PPP3R1: variants seen among roughly 807,000 people sequenced by gnomAD.
PPP3R1 encodes calcineurin subunit B type 1.
PPP3R1 carries 5 observed loss-of-function variants against 22.6 expected under a neutral mutation model. The ratio of observed to expected loss-of-function variants is 0.22; its 90% CI spans 0.12 to 0.46. The LOEUF (loss-of-function observed/expected upper bound fraction) is 0.46, where lower values mean the gene tolerates loss of function less well. Ranked by LOEUF, PPP3R1 falls within the 20% of genes least tolerant of loss-of-function variation. The pLI, the probability that PPP3R1 is intolerant of heterozygous loss-of-function variation, is 0.99. For synonymous variants in PPP3R1, 56 were observed against 65.2 expected (o/e 0.86, Z 0.68); for missense variants, 61 against 203.2 (o/e 0.30, Z 4.25).
At chr2:68,232,139 A>ACACAC (rs1669920287) in intron 1 of PPP3R1, among the ~76,000 whole-genome samples, 1 of 110,862 alleles carries the variant, frequency 9.0e-6, no homozygotes, top group Non-Finnish European at 1.9e-5. Flanking sequence ...ACACACACAC[A>ACACAC]TATATATGTA....
chr2:68,222,279 G>A (rs1669699344), intron 1 of PPP3R1, among the ~76,000 whole-genome samples: 1 of 152,290 alleles, frequency 6.6e-6, no homozygotes, highest in South Asian at 2.1e-4. Context: ...TATTAAAGAT[G>A]TATATTGTAA....
intron 2 of PPP3R1, among the ~76,000 whole-genome samples, chr2:68,189,323 C>G (rs560243024): frequency 6.6e-6 from 1 of 151,874 alleles, no homozygotes; most frequent in South Asian, 2.1e-4. Context: ...ACTTAACAAC[C>G]AAATAGCTAA....
chr2:68,212,514 C>G (rs186749684), intron 2 of PPP3R1, among the ~76,000 whole-genome samples: 3 of 152,350 alleles, frequency 2.0e-5, no homozygotes, highest in African/African-American at 7.2e-5. Context: ...ACTCCATGGG[C>G]TACAGAATGG....
intron 1 of PPP3R1, among the ~76,000 whole-genome samples, chr2:68,250,113 T>C (rs1015129936): frequency 1.3e-5 from 2 of 151,592 alleles, no homozygotes; most frequent in African/African-American, 4.9e-5. Context: ...ACTGCCAACA[T>C]TATGTAGGTC....
intron 2 of PPP3R1, among the ~76,000 whole-genome samples, chr2:68,201,108 T>C (rs1351408928): frequency 6.6e-6 from 1 of 152,200 alleles, no homozygotes; most frequent in Admixed American, 6.5e-5. Flanking sequence ...TTCTTTTTTC[T>C]ATATATTAAG....
chr2:68,203,047 A>C (rs1280104388), intron 2 of PPP3R1, among the ~76,000 whole-genome samples: 1 of 152,126 alleles, frequency 6.6e-6, no homozygotes, highest in South Asian at 2.1e-4. Flanking sequence ...CATGTACTAT[A>C]CTTAAGAAAA....
At chr2:68,204,075 C>T (rs747646624) in intron 2 of PPP3R1, among the ~76,000 whole-genome samples, 5 of 152,168 alleles carry the variant, frequency 3.3e-5, no homozygotes, top group Non-Finnish European at 5.9e-5. Context: ...ATTTTCCACT[C>T]TTACTTTCAA....
At chr2:68,233,687 G>A (rs1669963074) in intron 1 of PPP3R1, among the ~76,000 whole-genome samples, 1 of 150,868 alleles carries the variant, frequency 6.6e-6, no homozygotes, top group Admixed American at 6.6e-5. Context: ...TTTTTCTTCT[G>A]GTTTTCTTCT....
intron 1 of PPP3R1, among the ~76,000 whole-genome samples, chr2:68,248,370 C>G (rs573194981): frequency 1.3e-4 from 20 of 152,300 alleles, no homozygotes; most frequent in African/African-American, 4.8e-4. Flanking sequence ...TAATCACTGT[C>G]TTATTTACCC....
At chr2:68,234,664 G>T (rs1170766083) in intron 1 of PPP3R1, among the ~76,000 whole-genome samples, 2 of 152,096 alleles carry the variant, frequency 1.3e-5, no homozygotes, top group Admixed American at 1.3e-4. Flanking sequence ...AGACAGCTGA[G>T]GAGTAAAATG....
chr2:68,194,722 G>A (rs939083874), intron 2 of PPP3R1, among the ~76,000 whole-genome samples: 1 of 152,072 alleles, frequency 6.6e-6, no homozygotes, highest in Non-Finnish European at 1.5e-5. Flanking sequence ...ACTGTTTTAG[G>A]TGATGCTAAA....
chr2:68,184,921 T>C (rs1674502791), intron 5 of PPP3R1, among the ~76,000 whole-genome samples: 1 of 152,072 alleles, frequency 6.6e-6, no homozygotes, highest in Non-Finnish European at 1.5e-5. Context: ...GACCCCTGTC[T>C]ACAAAAACTT....
Position 68,179,401 on chromosome 2 carries a change from G to A in PPP3R1, c.*1562C>T, listed in dbSNP as rs1674356440. Reference sequence around the variant, plus strand: ...ATCTACATGCAAAACTCCATGTCATGCAAGGACACCAAGCACCGGGATTTT... The same window carrying A: ...ATCTACATGCAAAACTCCATGTCATACAAGGACACCAAGCACCGGGATTTT... On this transcript the variant is annotated 3_prime_UTR_variant, in exon 6 of 6. Transcript: ENST00000234310. 6.6e-6 allele frequency: 1 copy of A among 152,618 alleles called. No homozygotes were observed. 9.5% of individuals were successfully genotyped at this position (152,618 alleles called of 1,614,324 possible). A position where few individuals can be genotyped will look rare whatever the true frequency, so the allele number is the denominator to read the frequency against.
chr2:68,187,489 G>GT (rs1424812280), intron 3 of PPP3R1, among the ~76,000 whole-genome samples, 175 bp from the exon 4 acceptor site: 1 of 152,086 alleles, frequency 6.6e-6, no homozygotes, highest in African/African-American at 2.4e-5. Context: ...AGGTCTCTCT[G>GT]TATTTTTTTT....
At chr2:68,242,051 A>C (rs1483753391) in intron 1 of PPP3R1, among the ~76,000 whole-genome samples, 2 of 152,196 alleles carry the variant, frequency 1.3e-5, no homozygotes, top group Non-Finnish European at 2.9e-5. Flanking sequence ...ACTTTTACTT[A>C]ACTTTAATTA....
At chr2:68,221,685 A>G (rs553768382) in intron 1 of PPP3R1, among the ~76,000 whole-genome samples, 35 of 151,450 alleles carry the variant, frequency 2.3e-4, no homozygotes, top group Middle Eastern at 3.4e-3. Flanking sequence ...GAAACATGGA[A>G]AAAAAAAAGC....
intron 1 of PPP3R1, among the ~76,000 whole-genome samples, chr2:68,232,536 C>T (rs945125931): frequency 1.3e-5 from 2 of 151,878 alleles, no homozygotes; most frequent in African/African-American, 4.8e-5. Context: ...AAAACTCATA[C>T]AGCAACAGAA....
At chr2:68,248,572 G>A (rs1322726301) in intron 1 of PPP3R1, among the ~76,000 whole-genome samples, 2 of 152,174 alleles carry the variant, frequency 1.3e-5, no homozygotes, top group African/African-American at 2.4e-5. Context: ...CTCATCTCCA[G>A]AATTTTGGAT....
intron 1 of PPP3R1, among the ~76,000 whole-genome samples, chr2:68,230,433 C>G (rs948978954): frequency 1.4e-5 from 2 of 137,938 alleles, no homozygotes; most frequent in African/African-American, 5.4e-5. Flanking sequence ...GATAACTTTT[C>G]ACAATCTCAT....
Sources: allele counts gnomAD v4.1 joint callset (sites outside exome capture counted in the v4.1 genomes callset), GRCh38; gene constraint gnomAD v4.1.1; transcripts MANE v1.5; gene names NCBI Gene and HGNC (gene_info 2026-07-23, HGNC 2026-07-21).